The following PTPRD variants were observed in gnomAD, a reference collection of about 807,000 sequenced individuals.
PTPRD encodes the protein receptor-type tyrosine-protein phosphatase delta.
Under a neutral mutation model 214.5 loss-of-function variants are expected in PTPRD, and 34 were observed. The observed-to-expected ratio is 0.16, with a 90% CI of 0.12 to 0.21. PTPRD has a LOEUF of 0.21. Among genes scored for constraint, PTPRD ranks in the 10% least tolerant of loss-of-function variants. The probability of loss-of-function intolerance (pLI) is 1.00; values close to 1 mark genes in which losing one functional copy is unlikely to be tolerated. For missense variants in PTPRD, 2,545 were observed against 2,398.7 expected (o/e 1.06, Z -1.27); for synonymous variants, 1,128 against 845.7 (o/e 1.33, Z -5.79).
chr9:10,128,947 T>C (rs1024131393), intron 3 of PTPRD, among the ~76,000 whole-genome samples: 2 of 152,208 alleles, frequency 1.3e-5, no homozygotes, highest in African/African-American at 2.4e-5. Flanking sequence ...TCATGGCTAC[T>C]ATCATCAACA....
At chr9:9,457,315 C>G (rs2093148712) in intron 8 of PTPRD, among the ~76,000 whole-genome samples, 1 of 152,000 alleles carries the variant, frequency 6.6e-6, no homozygotes, top group South Asian at 2.1e-4. Flanking sequence ...TAATCGGTCT[C>G]TCTAAACTCA....
In PTPRD at chr9:10,085,942, G is replaced by A. The variant is rs570282036; in HGVS notation, c.-544-52152C>T. ...ATCCATGAAATCTAATATGATATGA[G>A]GCTAAATAGATAAAAACAACATAAA... On this transcript the variant is annotated intron_variant, in intron 3 of 45. Coordinates refer to ENST00000381196, the MANE Select transcript of PTPRD (RefSeq NM_002839.4). 2.1e-3 allele frequency among the ~76,000 whole-genome samples: 317 copies of A among 151,812 alleles called. 4 individuals are homozygous for A. Among genetic ancestry groups the A allele is most frequent in the African/African-American group, 7.4e-3 (308 of 41,456 alleles).
intron 10 of PTPRD, among the ~76,000 whole-genome samples, chr9:9,096,706 A>G (rs2099784029): frequency 6.6e-6 from 1 of 152,218 alleles, no homozygotes; most frequent in South Asian, 2.1e-4. Flanking sequence ...GTTTCAGTCT[A>G]ATTGCCTTTA....
At chr9:9,745,206 C>A (rs919965102) in intron 6 of PTPRD, among the ~76,000 whole-genome samples, 2 of 152,026 alleles carry the variant, frequency 1.3e-5, no homozygotes, top group Non-Finnish European at 2.9e-5. Flanking sequence ...TTTTCTTGTG[C>A]AATTTTTATA....
At chr9:8,890,435 A>G (rs2154238155) in intron 11 of PTPRD, among the ~76,000 whole-genome samples, 1 of 152,318 alleles carries the variant, frequency 6.6e-6, no homozygotes, top group Middle Eastern at 3.4e-3. Flanking sequence ...TCATAAATTC[A>G]TAGTGCTTCC....
At chr9:9,844,997 T>A (rs1342428738) in intron 5 of PTPRD, among the ~76,000 whole-genome samples, 1 of 148,444 alleles carries the variant, frequency 6.7e-6, no homozygotes, top group African/African-American at 2.5e-5. Flanking sequence ...TGTTTTTTAA[T>A]AAACCACTGA....
chr9:8,632,338 T>A (rs954080555), intron 14 of PTPRD, among the ~76,000 whole-genome samples: 1 of 151,734 alleles, frequency 6.6e-6, no homozygotes, highest in Non-Finnish European at 1.5e-5. Flanking sequence ...CATCCCTCCA[T>A]GGGGGTAAAA....
chr9:9,046,075 C>T (rs2099671390), intron 10 of PTPRD, among the ~76,000 whole-genome samples: 1 of 152,154 alleles, frequency 6.6e-6, no homozygotes, highest in Non-Finnish European at 1.5e-5. Flanking sequence ...ACATAACACT[C>T]ATGCTTTATT....
chr9:8,455,719 T>C (rs1424800718), intron 33 of PTPRD, among the ~76,000 whole-genome samples: 4 of 152,216 alleles, frequency 2.6e-5, no homozygotes, highest in Non-Finnish European at 5.9e-5. Flanking sequence ...TTTATAGTGA[T>C]TTACGTAGTG....
intron 8 of PTPRD, among the ~76,000 whole-genome samples, chr9:9,425,461 A>G (rs1016252451): frequency 2.7e-5 from 4 of 145,810 alleles, no homozygotes; most frequent in Non-Finnish European, 6.0e-5. Flanking sequence ...AATATAAAAT[A>G]TATAATTATA....
chr9:9,462,378 T>C (rs1430807741), intron 8 of PTPRD, among the ~76,000 whole-genome samples: 1 of 152,160 alleles, frequency 6.6e-6, no homozygotes, highest in Non-Finnish European at 1.5e-5. Context: ...TGGGTATTCA[T>C]ATTCATGTAT....
intron 7 of PTPRD, among the ~76,000 whole-genome samples, chr9:9,664,034 G>T (rs759615143): frequency 6.8e-6 from 1 of 146,668 alleles, no homozygotes. Context: ...TGATACATTA[G>T]GTTTTAAATA....
chr9:9,052,930 G>T (rs2099689154), intron 10 of PTPRD, among the ~76,000 whole-genome samples: 1 of 152,122 alleles, frequency 6.6e-6, no homozygotes, highest in African/African-American at 2.4e-5. Context: ...ACTATCTACA[G>T]CAAATAATTT....
intron 21 of PTPRD, among the ~76,000 whole-genome samples, chr9:8,509,777 T>C (rs1341891039): frequency 1.3e-5 from 2 of 152,208 alleles, no homozygotes; most frequent in African/African-American, 4.8e-5. Flanking sequence ...CTTGTTTCTA[T>C]TAAGAGCCCC....
chr9:9,746,653 GA>G (rs2098461132), intron 6 of PTPRD, among the ~76,000 whole-genome samples: 2 of 152,246 alleles, frequency 1.3e-5, no homozygotes, highest in Admixed American at 6.5e-5. Context: ...AGTTGGATGA[GA>G]AGTGAAATAA....
chr9:8,871,373 C>A (rs1403108720), intron 11 of PTPRD, among the ~76,000 whole-genome samples: 1 of 111,572 alleles, frequency 9.0e-6, no homozygotes, highest in Non-Finnish European at 2.3e-5. Context: ...GTGGGGCATA[C>A]ACATAGGCCC....
At chr9:9,790,660 G>A (rs1197226431) in intron 5 of PTPRD, among the ~76,000 whole-genome samples, 2 of 152,130 alleles carry the variant, frequency 1.3e-5, no homozygotes, top group African/African-American at 4.8e-5. Flanking sequence ...AGGACTTAAT[G>A]TATATCAATA....
At chr9:8,994,520 A>G (rs2099389149) in intron 11 of PTPRD, among the ~76,000 whole-genome samples, 1 of 152,114 alleles carries the variant, frequency 6.6e-6, no homozygotes, top group South Asian at 2.1e-4. Context: ...AGAGCAATAA[A>G]TTTGAGAATA....
chr9:8,873,490 G>A (rs775544614), intron 11 of PTPRD, among the ~76,000 whole-genome samples: 13 of 152,122 alleles, frequency 8.5e-5, no homozygotes, highest in Middle Eastern at 3.2e-3. Flanking sequence ...CACATAACAG[G>A]TCAATTATAA....
Sources: allele counts gnomAD v4.1 joint callset (sites outside exome capture counted in the v4.1 genomes callset), GRCh38; gene constraint gnomAD v4.1.1; transcripts MANE v1.5; gene names NCBI Gene and HGNC (gene_info 2026-07-23, HGNC 2026-07-21).